Variants in EIF3H observed in about 807,000 individuals in gnomAD.
EIF3H encodes the protein eukaryotic translation initiation factor 3 subunit H.
EIF3H carries 26 observed loss-of-function variants against 44.2 expected under a neutral mutation model. The observed-to-expected ratio is 0.59, with a 90% confidence interval of 0.43 to 0.82. The LOEUF (loss-of-function observed/expected upper bound fraction) is 0.82. EIF3H is among the 40% of genes least tolerant of loss of function. The pLI is 0.00. For synonymous variants in EIF3H, 166 were observed against 151.9 expected, an observed-to-expected ratio of 1.09 and a Z score of -0.68; for missense variants, 359 against 432.8, an observed-to-expected ratio of 0.83 and a Z score of 1.51.
intron 6 of EIF3H, 101 bp from the exon 7 acceptor site, chr8:116,646,704 A>G (rs1586429181): frequency 3.4e-6 from 5 of 1,458,416 alleles, no homozygotes; most frequent in Non-Finnish European, 4.6e-6. Context: ...ACTGCTCTGA[A>G]TTCCAACCTC....
At chr8:116,756,319 T>C (rs1011857310), upstream of EIF3H, among the ~76,000 whole-genome samples, 5 of 152,236 alleles carry the variant, frequency 3.3e-5, no homozygotes, top group Non-Finnish European at 5.9e-5. Context: ...TAGAAACTTT[T>C]ATCAGAATTA....
At chr8:116,706,235 T>C (rs933281662) in intron 2 of EIF3H, among the ~76,000 whole-genome samples, 18 of 152,336 alleles carry the variant, frequency 1.2e-4, no homozygotes, top group African/African-American at 4.1e-4. Context: ...CCTAAACTTC[T>C]GTAAGCTCTG....
rs145087636 is a variant in EIF3H at position 116,703,762 on chromosome 8, C to T, written c.289+22254G>A. On this transcript the variant is annotated intron_variant, in intron 2 of 7. Coordinates refer to ENST00000521861, the MANE Select transcript of EIF3H (RefSeq NM_003756.3). Reference sequence around the variant, plus strand: ...CACAATAAATAACAGCACACCCAGGCATTTGGGGCCACTACCGGTCTCCAC... The same window carrying T: ...CACAATAAATAACAGCACACCCAGGTATTTGGGGCCACTACCGGTCTCCAC... Among the ~76,000 whole-genome samples, 597 of 152,268 alleles carry T rather than the reference C, an allele frequency of 3.9e-3. 4 individuals are homozygous for T. The highest frequency in any genetic ancestry group is 0.014 in the African/African-American group (575 of 41,550).
In EIF3H at chr8:116,654,988, A is replaced by G. The variant is rs566195232; in HGVS notation, c.707+868T>C. Among the ~76,000 whole-genome samples the G allele has an allele frequency of 2.6e-5, 4 of 152,210 alleles. No homozygotes were observed. In the South Asian group the frequency reaches 6.2e-4, roughly 24 times the overall value. The stretch of plus-strand genomic sequence containing the variant: ...TAGTCTGCTCCAAACTGGTTGCTTA[A>G]GAAAACACACCTTGTTTCTTTCAGC... On this transcript the variant is annotated intron_variant, in intron 5 of 7. Transcript: ENST00000521861.
intron 5 of EIF3H, among the ~76,000 whole-genome samples, chr8:116,650,001 A>G (rs1172841355): frequency 6.6e-6 from 1 of 152,228 alleles, no homozygotes; most frequent in South Asian, 2.1e-4. Flanking sequence ...GCTAGAGCAC[A>G]GGGATTAGGT....
chr8:116,748,892 T>C lies in EIF3H; in HGVS notation c.132+6774A>G, dbSNP rs1175934646. ...ATGTAAATGCTATGTAAATAATTAT[T>C]ATACTGTATTGGTTTTTATTTGTAT... On this transcript the variant is annotated intron_variant, in intron 1 of 7. Coordinates refer to ENST00000521861, the MANE Select transcript of EIF3H (RefSeq NM_003756.3). Among the ~76,000 whole-genome samples, 5 of 152,200 alleles carry C rather than the reference T, an allele frequency of 3.3e-5. No individual in the cohort carries two copies. The East Asian group carries it at 9.6e-4, about 29-fold the overall frequency.
chr8:116,718,382 A>C (rs1349355418), intron 2 of EIF3H, among the ~76,000 whole-genome samples: 1 of 152,206 alleles, frequency 6.6e-6, no homozygotes, highest in Non-Finnish European at 1.5e-5. Context: ...TACCAAGAAG[A>C]AAAGAAGTCA....
At chr8:116,704,407 G>A (rs1021883929) in intron 2 of EIF3H, among the ~76,000 whole-genome samples, 3 of 152,186 alleles carry the variant, frequency 2.0e-5, no homozygotes, top group Non-Finnish European at 4.4e-5. Context: ...CAATAATGGC[G>A]AGGATGATGA....
rs188613567 is a variant in EIF3H at position 116,645,114 on chromosome 8, G to A, written c.962-11C>T. 5 of 1,605,628 alleles carry A rather than the reference G, an allele frequency of 3.1e-6. No individual in the cohort carries two copies. In the African/African-American group the frequency reaches 5.3e-5, roughly 17 times the overall value. ...AAGTGTTTATCTGGCCTGTGCATTT[G>A]AGAAAGAGATAGAGCCATAATGTTC... is the stretch of plus-strand genomic sequence containing the variant. On this transcript the variant is annotated splice_polypyrimidine_tract_variant and intron_variant, in intron 7 of 7. Coordinates refer to ENST00000521861, the MANE Select transcript of EIF3H (RefSeq NM_003756.3).
intron 6 of EIF3H, among the ~76,000 whole-genome samples, chr8:116,647,350 T>C (rs1034660905): frequency 6.6e-6 from 1 of 152,188 alleles, no homozygotes; most frequent in Non-Finnish European, 1.5e-5. Flanking sequence ...TCCACCCGCC[T>C]CGGCCTCCCC....
At chr8:116,764,376 CCATTACAGAT>C (rs1320403171) in intron 1 of EIF3H, among the ~76,000 whole-genome samples, 4 of 152,152 alleles carry the variant, frequency 2.6e-5, no homozygotes, top group Non-Finnish European at 4.4e-5. Context: ...TATTGATTTT[CCATTACAGAT>C]CATTTGGCAT....
At chr8:116,705,195 TATG>T (rs1814446788) in intron 2 of EIF3H, among the ~76,000 whole-genome samples, 1 of 152,216 alleles carries the variant, frequency 6.6e-6, no homozygotes, top group Non-Finnish European at 1.5e-5. Context: ...CATATTTTCA[TATG>T]ATATTTGTAA....
intron 2 of EIF3H, among the ~76,000 whole-genome samples, chr8:116,666,578 A>AG (rs1269962277): frequency 2.6e-5 from 4 of 152,086 alleles, no homozygotes; most frequent in Non-Finnish European, 5.9e-5. Context: ...GAGAGCCATC[A>AG]GGAAGTTAAT....
At chr8:116,754,972 A>T (rs1004096543) in intron 1 of EIF3H, among the ~76,000 whole-genome samples, 1 of 152,252 alleles carries the variant, frequency 6.6e-6, no homozygotes, top group Non-Finnish European at 1.5e-5. Flanking sequence ...TTTTAAAACT[A>T]GAACGTCATA....
intron 3 of EIF3H, 104 bp downstream of exon 3, chr8:116,658,709 A>T: frequency 2.6e-6 from 3 of 1,139,636 alleles, no homozygotes; most frequent in Non-Finnish European, 2.5e-6. Flanking sequence ...GTTGGTATTT[A>T]CTTGAGAAGG....
At chr8:116,708,650 G>C (rs974420147) in intron 2 of EIF3H, among the ~76,000 whole-genome samples, 5 of 151,980 alleles carry the variant, frequency 3.3e-5, no homozygotes, top group Admixed American at 6.6e-5. Flanking sequence ...AAATCTTTCC[G>C]AATTCTCAAA....
At chr8:116,718,245 T>A (rs1408743012) in intron 2 of EIF3H, among the ~76,000 whole-genome samples, 1 of 151,920 alleles carries the variant, frequency 6.6e-6, no homozygotes, top group East Asian at 1.9e-4. Context: ...CTGGATGGGG[T>A]GAAAAGAAAA....
chr8:116,687,570 T>G (rs1247047170), intron 2 of EIF3H, among the ~76,000 whole-genome samples: 1 of 152,178 alleles, frequency 6.6e-6, no homozygotes, highest in Admixed American at 6.5e-5. Flanking sequence ...TCACAAAAAA[T>G]TGATTTGTCT....
At chr8:116,699,420 C>T (rs1003154366) in intron 2 of EIF3H, among the ~76,000 whole-genome samples, 1 of 152,148 alleles carries the variant, frequency 6.6e-6, no homozygotes, top group Non-Finnish European at 1.5e-5. Context: ...CTGATGCATG[C>T]CATTATCCTA....
Sources: gnomAD v4.1 joint callset for allele counts (sites outside exome capture counted in the v4.1 genomes callset) on GRCh38, gnomAD v4.1.1 for gene constraint, MANE v1.5 for transcripts, NCBI Gene and HGNC (gene_info 2026-07-23, HGNC 2026-07-21) for gene names.